SAXO1: variants seen among roughly 807,000 people sequenced by gnomAD.
The protein encoded by SAXO1 is stabilizer of axonemal microtubules 1, also known as 4930500O09Rik.
SAXO1 carries 21 observed loss-of-function variants against 17.5 expected under a neutral mutation model. The observed-to-expected ratio is 1.20, with a 90% CI of 0.85 to 1.72. The LOEUF is 1.72. Ranked by LOEUF, SAXO1 falls within the 40% of genes most tolerant of loss-of-function variation. The pLI, the probability that SAXO1 is intolerant of heterozygous loss-of-function variation, is 0.00. For synonymous variants in SAXO1, 274 were observed against 216.5 expected (o/e 1.27, Z -2.33); for missense variants, 843 against 596.0 (o/e 1.41, Z -4.32).
chr9:18,953,454 A>G (rs1832120094), intron 1 of SAXO1, among the ~76,000 whole-genome samples: 1 of 152,260 alleles, frequency 6.6e-6, no homozygotes, highest in African/African-American at 2.4e-5. Context: ...CTATCCAGAC[A>G]CTGATGTTCC....
At chr9:18,963,457 G>C (rs1398879360) in intron 1 of SAXO1, among the ~76,000 whole-genome samples, 1 of 152,126 alleles carries the variant, frequency 6.6e-6, no homozygotes, top group Non-Finnish European at 1.5e-5. Flanking sequence ...TTTTCCACTT[G>C]TTGTGTCCTC....
At chr9:19,004,904 T>C (rs1260656933) in intron 1 of SAXO1, among the ~76,000 whole-genome samples, 1 of 151,778 alleles carries the variant, frequency 6.6e-6, no homozygotes, top group African/African-American at 2.4e-5. Context: ...ATGAAAAAAA[T>C]TCTAAAAACT....
At chr9:19,043,432 G>A (rs1836126851) in intron 1 of SAXO1, among the ~76,000 whole-genome samples, 1 of 152,082 alleles carries the variant, frequency 6.6e-6, no homozygotes, top group Admixed American at 6.6e-5. Context: ...GGGAGGTGGA[G>A]ATGGTTAATA....
At chr9:19,005,875 T>C (rs1218100945) in intron 1 of SAXO1, among the ~76,000 whole-genome samples, 1 of 152,182 alleles carries the variant, frequency 6.6e-6, no homozygotes, top group African/African-American at 2.4e-5. Context: ...AAGGGATTAA[T>C]ATCCAGAATA....
In SAXO1 at chr9:18,928,590, G is replaced by A; in HGVS notation, c.887C>T (p.Pro296Leu). The change falls in exon 4 of 4, where the codon CCT (proline) becomes CTT (leucine). Residue 296 changes from proline to leucine, a missense_variant. By Grantham distance (98) the Pro-to-Leu change is moderately conservative. Transcript: ENST00000380534. ...MFSKAPITYV[P>L]PEDRMDLLTT... ...CAGAAGATCCATCCTGTCTTCGGGA[G>A]GGACGTAGGTGATGGGAGCTTTGGA... The A allele has an allele frequency of 6.2e-7, 1 of 1,614,170 alleles. No homozygotes were observed. The highest frequency in any genetic ancestry group is 8.5e-7 in the Non-Finnish European group (1 of 1,180,024).
chr9:19,012,359 C>T (rs556269427), intron 1 of SAXO1, among the ~76,000 whole-genome samples: 4 of 152,330 alleles, frequency 2.6e-5, no homozygotes, highest in South Asian at 4.1e-4. Context: ...GGCGCTAGGG[C>T]GCCTCACCCC....
chr9:18,974,535 T>C (rs1833061126), intron 1 of SAXO1, among the ~76,000 whole-genome samples: 1 of 152,210 alleles, frequency 6.6e-6, no homozygotes, highest in South Asian at 2.1e-4. Context: ...GAACATCTTG[T>C]GTCAGAAAGT....
At position 19,047,519 on chromosome 9, in the gene SAXO1, C is replaced by T. The variant is rs559556368; in HGVS notation, c.-158+1690G>A. ...GGCATGGTTTCCAAATTAAAAGACACATTGGAGAGTCCAGTACAATGCAAA... is the reference window on the plus strand; with the variant it reads ...GGCATGGTTTCCAAATTAAAAGACATATTGGAGAGTCCAGTACAATGCAAA... On this transcript the variant is annotated intron_variant, in intron 1 of 3. Transcript: ENST00000542071. Among the ~76,000 whole-genome samples, 6 of 152,284 alleles carry T rather than the reference C, an allele frequency of 3.9e-5. No homozygotes were observed. The South Asian group carries it at 6.2e-4, about 16-fold the overall frequency.
intron 3 of SAXO1, among the ~76,000 whole-genome samples, chr9:18,930,703 T>C (rs1831004184): frequency 6.6e-6 from 1 of 152,182 alleles, no homozygotes; most frequent in Non-Finnish European, 1.5e-5. Flanking sequence ...TTCTCCGTGT[T>C]GGTCAGGCTG....
intron 1 of SAXO1, among the ~76,000 whole-genome samples, chr9:18,959,102 G>T (rs1588441157): frequency 6.6e-6 from 1 of 152,142 alleles, no homozygotes; most frequent in African/African-American, 2.4e-5. Context: ...GAGCCGCTGG[G>T]GTGGGGACAA....
At chr9:19,034,721 A>C (rs1835891434), upstream of SAXO1, among the ~76,000 whole-genome samples, 1 of 152,196 alleles carries the variant, frequency 6.6e-6, no homozygotes, top group South Asian at 2.1e-4. Context: ...GGATGGAAAC[A>C]TGGCCAGACA....
At chr9:18,987,577 G>A (rs965723180) in intron 1 of SAXO1, among the ~76,000 whole-genome samples, 1 of 152,150 alleles carries the variant, frequency 6.6e-6, no homozygotes, top group Admixed American at 6.5e-5. Context: ...GAGGGCAAGG[G>A]TGTGGGTAAG....
intron 1 of SAXO1, among the ~76,000 whole-genome samples, chr9:19,043,357 C>T (rs1409290696): frequency 6.6e-6 from 1 of 152,110 alleles, no homozygotes; most frequent in Non-Finnish European, 1.5e-5. Context: ...AACAATTGAA[C>T]TCACAGACAC....
At chr9:18,980,285 G>A (rs1054508456) in intron 1 of SAXO1, among the ~76,000 whole-genome samples, 3 of 152,090 alleles carry the variant, frequency 2.0e-5, no homozygotes, top group Non-Finnish European at 4.4e-5. Flanking sequence ...AGGAGTTTAG[G>A]CACTGCTTGG....
chr9:18,962,141 C>T (rs1832513041), intron 1 of SAXO1, among the ~76,000 whole-genome samples: 2 of 152,104 alleles, frequency 1.3e-5, no homozygotes, highest in South Asian at 2.1e-4. Flanking sequence ...AATCACTGCT[C>T]GCCTCAACCT....
chr9:18,984,658 G>A (rs1194307122), intron 1 of SAXO1, among the ~76,000 whole-genome samples: 3 of 152,210 alleles, frequency 2.0e-5, no homozygotes, highest in Admixed American at 2.0e-4. Flanking sequence ...AAAAGAGTTA[G>A]GGCCTTGCTC....
chr9:19,042,692 G>A (rs891419217), intron 1 of SAXO1, among the ~76,000 whole-genome samples: 13 of 152,116 alleles, frequency 8.5e-5, no homozygotes, highest in East Asian at 3.9e-4. Context: ...GAGAAACCCC[G>A]TCCCTACTAA....
intron 1 of SAXO1, among the ~76,000 whole-genome samples, chr9:18,992,595 G>A (rs1053901905): frequency 2.0e-5 from 3 of 152,128 alleles, no homozygotes; most frequent in African/African-American, 7.2e-5. Context: ...AAGTGGTCAG[G>A]TTGCAAGCAG....
intron 1 of SAXO1, among the ~76,000 whole-genome samples, chr9:18,978,783 T>G (rs775411330): frequency 6.6e-6 from 1 of 152,220 alleles, no homozygotes; most frequent in Non-Finnish European, 1.5e-5. Flanking sequence ...CTGAGTCCTG[T>G]CAGAGAAGCT....
Sources: allele counts gnomAD v4.1 joint callset (sites outside exome capture counted in the v4.1 genomes callset), GRCh38; gene constraint gnomAD v4.1.1; transcripts MANE v1.5; gene names NCBI Gene and HGNC (gene_info 2026-07-23, HGNC 2026-07-21).